PTK2: variants seen among roughly 807,000 people sequenced by gnomAD.
The protein encoded by PTK2 is protein tyrosine kinase 2, also known as focal adhesion kinase 1.
In PTK2, 45 loss-of-function variants were observed where a neutral mutation model predicts 150.1. The observed-to-expected ratio is 0.30, with a 90% CI of 0.24 to 0.38. The LOEUF (loss-of-function observed/expected upper bound fraction) is 0.38. PTK2 is among the 10% of genes least tolerant of loss of function. The probability of loss-of-function intolerance (pLI) is 1.00; values close to 1 mark genes in which losing one functional copy is unlikely to be tolerated. For missense variants in PTK2, 919 were observed against 1,307.3 expected (o/e 0.70, Z 4.58); for synonymous variants, 432 against 449.2 (o/e 0.96, Z 0.48).
intron 2 of PTK2, among the ~76,000 whole-genome samples, chr8:140,916,341 G>A (rs997728127): frequency 9.9e-5 from 15 of 152,200 alleles, no homozygotes; most frequent in South Asian, 4.1e-4. Flanking sequence ...TCGTAGGCAC[G>A]AAGAACTGGA....
intron 1 of PTK2, among the ~76,000 whole-genome samples, chr8:140,985,270 T>A (rs772711792): frequency 6.6e-6 from 1 of 152,036 alleles, no homozygotes; most frequent in South Asian, 2.1e-4. Flanking sequence ...ACTACAGGTA[T>A]GCACCACCAT....
At chr8:140,743,435 T>A (rs1019779045) in intron 19 of PTK2, 105 bp from the exon 23 acceptor site, 1 of 707,232 alleles carries the variant, frequency 1.4e-6, no homozygotes, top group African/African-American at 1.8e-5. Flanking sequence ...ACAGCTTATA[T>A]ACAATGCGAG....
chr8:140,837,421 T>C (rs774047126), intron 7 of PTK2, among the ~76,000 whole-genome samples: 4 of 152,192 alleles, frequency 2.6e-5, no homozygotes, highest in Non-Finnish European at 4.4e-5. Flanking sequence ...GTAGTAGTAC[T>C]AGTATAACTC....
At chr8:140,994,985 G>A (rs1422877789) in intron 1 of PTK2, among the ~76,000 whole-genome samples, 5 of 151,514 alleles carry the variant, frequency 3.3e-5, no homozygotes, top group Non-Finnish European at 7.4e-5. Context: ...TCAGGAGGTT[G>A]AGTCAGGAGA....
At chr8:140,722,543 C>T (rs1032762931) in intron 22 of PTK2, among the ~76,000 whole-genome samples, 4 of 152,164 alleles carry the variant, frequency 2.6e-5, no homozygotes, top group Admixed American at 6.5e-5. Context: ...ATTGGGATTA[C>T]AGATGTGAGC....
chr8:140,889,077 A>G (rs1478642283), intron 3 of PTK2, among the ~76,000 whole-genome samples: 1 of 152,196 alleles, frequency 6.6e-6, no homozygotes, highest in African/African-American at 2.4e-5. Flanking sequence ...AGAAAACGCA[A>G]AAAAGCTAAC....
chr8:140,860,080 C>T (rs986477723), intron 5 of PTK2, among the ~76,000 whole-genome samples: 3 of 152,142 alleles, frequency 2.0e-5, no homozygotes, highest in Non-Finnish European at 4.4e-5. Context: ...AGGTTTTATA[C>T]ATGGCCTGTT....
intron 1 of PTK2, among the ~76,000 whole-genome samples, chr8:140,936,174 T>A (rs1366880368): frequency 1.3e-5 from 2 of 152,096 alleles, no homozygotes; most frequent in African/African-American, 4.8e-5. Context: ...TTAAAAAAAT[T>A]AAGTAGGTCA....
chr8:140,688,774 C>T (rs2100021426), intron 26 of PTK2, among the ~76,000 whole-genome samples: 2 of 152,178 alleles, frequency 1.3e-5, no homozygotes, highest in South Asian at 4.1e-4. Context: ...TATTTCTGAA[C>T]TCTGAAGAGC....
At chr8:140,699,739 CACT>C (rs2154067225) in intron 26 of PTK2, among the ~76,000 whole-genome samples, 1 of 152,042 alleles carries the variant, frequency 6.6e-6, no homozygotes, top group Admixed American at 6.5e-5. Context: ...CCCATAATGA[CACT>C]ACTAAAATTT....
chr8:140,748,514 A>G (rs1414544287), intron 17 of PTK2, among the ~76,000 whole-genome samples: 1 of 151,490 alleles, frequency 6.6e-6, no homozygotes, highest in African/African-American at 2.4e-5. Context: ...AAAAAAAAAA[A>G]AAAGTTTCCA....
chr8:140,930,467 C>T (rs1375061), intron 1 of PTK2, among the ~76,000 whole-genome samples: 146,723 of 152,292 alleles, frequency 0.96, 70,894 homozygotes, highest in East Asian at 1. Context: ...ACATAGACAA[C>T]TGATGCTTTT....
chr8:140,675,234 C>T (rs997032253), intron 28 of PTK2, among the ~76,000 whole-genome samples: 3 of 149,798 alleles, frequency 2.0e-5, no homozygotes, highest in Non-Finnish European at 3.0e-5. Context: ...GGCGTGATCT[C>T]GGCTCACTGC....
At chr8:140,851,443 A>G (rs1214716854) in intron 5 of PTK2, among the ~76,000 whole-genome samples, 1 of 152,252 alleles carries the variant, frequency 6.6e-6, no homozygotes, top group Non-Finnish European at 1.5e-5. Context: ...ATTTTCATTT[A>G]AAAATAATTA....
chr8:140,757,958 T>C (rs1282607575), intron 16 of PTK2, among the ~76,000 whole-genome samples: 2 of 152,218 alleles, frequency 1.3e-5, no homozygotes, highest in African/African-American at 2.4e-5. Flanking sequence ...GTATAGTACA[T>C]ACAATTATGT....
At chr8:140,757,525 T>TA (rs1355273015) in intron 16 of PTK2, among the ~76,000 whole-genome samples, 6 of 152,006 alleles carry the variant, frequency 3.9e-5, no homozygotes, top group East Asian at 1.9e-4. Context: ...TATCTTTGAT[T>TA]AAAAAAAACC....
chr8:140,927,975 A>AAAATATATATAT, intron 1 of PTK2, among the ~76,000 whole-genome samples: 16 of 48,190 alleles, frequency 3.3e-4, no homozygotes, highest in South Asian at 3.0e-3. Flanking sequence ...AAAAAAAAAA[A>AAAATATATATAT]ATATATATAT....
chr8:140,684,145 A>C (rs1375217392), intron 27 of PTK2, among the ~76,000 whole-genome samples: 2 of 152,238 alleles, frequency 1.3e-5, no homozygotes, highest in Non-Finnish European at 1.5e-5. Flanking sequence ...TAGATCTGAT[A>C]AACGAGCAGT....
chr8:140,820,784 G>T (rs1287146055), intron 8 of PTK2: 5 of 152,264 alleles, frequency 3.3e-5, no homozygotes, highest in South Asian at 2.1e-4. Context: ...AGGCCAGTAA[G>T]GGCCCAGTGG....
Sources: allele counts gnomAD v4.1 joint callset (sites outside exome capture counted in the v4.1 genomes callset), GRCh38; gene constraint gnomAD v4.1.1; transcripts MANE v1.5; gene names NCBI Gene and HGNC (gene_info 2026-07-23, HGNC 2026-07-21).